The following PXMP4 variants were observed in gnomAD, a reference collection of about 807,000 sequenced individuals.
The protein encoded by PXMP4 is 24 kDa peroxisomal intrinsic membrane protein.
A neutral mutation model predicts 21.6 loss-of-function variants in PXMP4; 16 were observed. The ratio of observed to expected loss-of-function variants is 0.74; its 90% CI spans 0.50 to 1.13. The LOEUF (loss-of-function observed/expected upper bound fraction) is 1.13. Among genes scored for constraint, PXMP4 ranks in the 50% most tolerant of loss-of-function variants. The pLI is 0.00. For missense variants in PXMP4, 240 were observed against 277.7 expected, an observed-to-expected ratio of 0.86 and a Z score of 0.96; for synonymous variants, 127 against 123.8, an observed-to-expected ratio of 1.03 and a Z score of -0.17.
chr20:33,714,585 G>A (rs2018364576), intron 2 of PXMP4, 89 bp downstream of exon 2: 2 of 1,281,292 alleles, frequency 1.6e-6, no homozygotes, highest in African/African-American at 1.5e-5. Context: ...GCGTGATGGG[G>A]GGACAGGGTA....
chr20:33,710,357 C>T (rs768588470), intron 3 of PXMP4, among the ~76,000 whole-genome samples, 198 bp downstream of exon 3: 18 of 150,104 alleles, frequency 1.2e-4, no homozygotes, highest in Non-Finnish European at 2.2e-4. Context: ...CCACTCCTAC[C>T]TCTATACTGA....
intron 3 of PXMP4, among the ~76,000 whole-genome samples, chr20:33,709,033 T>G (rs561578992): frequency 2.0e-5 from 3 of 152,186 alleles, no homozygotes; most frequent in Non-Finnish European, 2.9e-5. Context: ...CCAGGTGTGG[T>G]GGCTCACGCT....
In PXMP4 at chr20:33,703,037, T is replaced by G. The variant is rs2018221129; in HGVS notation, c.*4669A>C. ...GACCACACTGCCTTCCTCCCTGGAG[T>G]GTGCAGTTGGAAGCACCAGATGCTC... On this transcript the variant is annotated 3_prime_UTR_variant, in exon 4 of 4. Transcript: ENST00000409299. 6.6e-6 allele frequency: 1 copy of G among 152,112 alleles called. No homozygotes were observed. Among genetic ancestry groups the G allele is most frequent in the East Asian group, 1.9e-4 (1 of 5,184 alleles). The allele number at this position is 152,112 out of a possible 1,614,324, so 9.4% of individuals were successfully genotyped here.
chr20:33,713,869 G>A (rs946869345), intron 2 of PXMP4, among the ~76,000 whole-genome samples: 1 of 152,204 alleles, frequency 6.6e-6, no homozygotes, highest in Non-Finnish European at 1.5e-5. Flanking sequence ...TCTGAGAAGT[G>A]CCTTGAGGGA....
rs546128436 is a variant in PXMP4, at chr20:33,706,931, C to T, written c.*775G>A. The T allele has an allele frequency of 6.6e-6, 1 of 152,046 alleles. No individual in the cohort carries two copies. Among genetic ancestry groups the T allele is most frequent in the South Asian group, 2.1e-4 (1 of 4,812 alleles). 9.4% of individuals were successfully genotyped at this position (152,046 alleles called of 1,614,324 possible). A position where few individuals can be genotyped will look rare whatever the true frequency, so the allele number is the denominator to read the frequency against. On this transcript the variant is annotated 3_prime_UTR_variant, in exon 4 of 4. Transcript: ENST00000409299. ...TTTTCTTTGGTGAGACAGGGTCTCACTGTCGCCCAGGCTGGAGTGCAGTGG... is the reference window on the plus strand; with the variant it reads ...TTTTCTTTGGTGAGACAGGGTCTCATTGTCGCCCAGGCTGGAGTGCAGTGG...
intron 1 of PXMP4, among the ~76,000 whole-genome samples, chr20:33,718,443 G>A (rs186881968): frequency 9.1e-5 from 13 of 142,458 alleles, no homozygotes; most frequent in Admixed American, 3.8e-4. Context: ...CCTGGGAGAC[G>A]GAGCTTGCAG....
rs1397620808 is a variant in PXMP4 at position 33,704,170 on chromosome 20, AT to A, written c.*3535del. On this transcript the variant is annotated 3_prime_UTR_variant, in exon 4 of 4. Coordinates refer to ENST00000409299, the MANE Select transcript of PXMP4 (RefSeq NM_007238.5). ...TTACCTTGTAATATATAATGAAATA[AT>A]TGTACAACACACCATAATGTAGAAT... 6.5e-6 allele frequency: 1 copy of A among 153,328 alleles called. No individual in the cohort carries two copies. The highest frequency in any genetic ancestry group is 1.5e-5 in the Non-Finnish European group (1 of 68,936). 9.5% of individuals were successfully genotyped at this position (153,328 alleles called of 1,614,324 possible). A position where few individuals can be genotyped will look rare whatever the true frequency, so the allele number is the denominator to read the frequency against.
intron 1 of PXMP4, among the ~76,000 whole-genome samples, chr20:33,716,380 T>C (rs1163112740): frequency 6.6e-6 from 1 of 152,192 alleles, no homozygotes; most frequent in African/African-American, 2.4e-5. Context: ...TCTCTGCTCC[T>C]GGCTTTGGCC....
rs924203631 is a variant in PXMP4, at chr20:33,720,282, A to G, written c.-75T>C. 3.7e-6 allele frequency: 5 copies of G among 1,353,154 alleles called. No homozygotes were observed. In the African/African-American group the frequency reaches 5.8e-5, roughly 16 times the overall value. 83.8% of individuals were successfully genotyped at this position (1,353,154 alleles called of 1,614,324 possible). ...AGCCGGAGGTTCCAGCTGCGCGCCC[A>G]CAGCCCCTCGGTAGCGCCGCCGACT... On this transcript the variant is annotated 5_prime_UTR_variant, in exon 1 of 4. Coordinates refer to ENST00000409299, the MANE Select transcript of PXMP4 (RefSeq NM_007238.5).
chr20:33,718,765 A>G (rs2018413667), intron 1 of PXMP4, among the ~76,000 whole-genome samples: 1 of 152,182 alleles, frequency 6.6e-6, no homozygotes, highest in South Asian at 2.1e-4. Flanking sequence ...TCATCTGGAA[A>G]ATGGGGACAA....
intron 1 of PXMP4, 21 bp downstream of exon 1, chr20:33,720,074 C>A: frequency 6.2e-7 from 1 of 1,609,788 alleles, no homozygotes; most frequent in Non-Finnish European, 8.5e-7. Flanking sequence ...AGCCCCAGCC[C>A]GGCCCGACGG....
chr20:33,711,865 C>T (rs972326000), intron 2 of PXMP4, among the ~76,000 whole-genome samples: 2 of 151,690 alleles, frequency 1.3e-5, no homozygotes, highest in Admixed American at 1.3e-4. Flanking sequence ...TGGTGGCACA[C>T]GCGTGTAGTT....
intron 3 of PXMP4, 29 bp downstream of exon 3, chr20:33,710,526 C>A: frequency 6.8e-7 from 1 of 1,462,244 alleles, no homozygotes; most frequent in Non-Finnish European, 9.2e-7. Context: ...ACGCCCCCTT[C>A]ACTACCCCCA....
chr20:33,719,835 T>C (rs1435890474), intron 1 of PXMP4, among the ~76,000 whole-genome samples: 1 of 151,890 alleles, frequency 6.6e-6, no homozygotes, highest in Non-Finnish European at 1.5e-5. Context: ...GAAGCTGGCA[T>C]GGGAGGAGTC....
intron 2 of PXMP4, among the ~76,000 whole-genome samples, chr20:33,711,386 C>T (rs905066483): frequency 2.6e-5 from 4 of 152,078 alleles, no homozygotes; most frequent in East Asian, 1.9e-4. Context: ...GGGCTCAGCA[C>T]GTGCCACGCC....
chr20:33,715,074 C>T (rs1278669029), intron 1 of PXMP4, among the ~76,000 whole-genome samples: 1 of 152,116 alleles, frequency 6.6e-6, no homozygotes, highest in East Asian at 1.9e-4. Flanking sequence ...CAGCGATCCT[C>T]CAGCCTCACC....
intron 2 of PXMP4, among the ~76,000 whole-genome samples, chr20:33,712,081 T>C (rs2018333384): frequency 6.6e-6 from 1 of 152,062 alleles, no homozygotes; most frequent in Admixed American, 6.6e-5. Context: ...TCAGGTGCTC[T>C]TAAGGCTAGA....
Position 33,707,573 on chromosome 20 carries a change from T to C in PXMP4, c.*133A>G, listed in dbSNP as rs1385080093. 7.6e-7 allele frequency: 1 copy of C among 1,308,258 alleles called. No individual in the cohort carries two copies. The highest frequency in any genetic ancestry group is 1.0e-6 in the Non-Finnish European group (1 of 958,440). 81.0% of individuals were successfully genotyped at this position (1,308,258 alleles called of 1,614,324 possible). ...CACTGGGATTTTAAAATCAGTGTTT[T>C]TACTTCAGCAAACGGAACCCTGGGA... On this transcript the variant is annotated 3_prime_UTR_variant, in exon 4 of 4. Transcript: ENST00000409299.
In PXMP4 at chr20:33,705,611, A is replaced by AC. The variant is rs1449363195; in HGVS notation, c.*2094_*2095insG. 1 of 152,088 alleles carries AC rather than the reference A, an allele frequency of 6.6e-6. No homozygotes were observed. The highest frequency in any genetic ancestry group is 1.5e-5 in the Non-Finnish European group (1 of 68,220). 9.4% of individuals were successfully genotyped at this position (152,088 alleles called of 1,614,324 possible). A position where few individuals can be genotyped will look rare whatever the true frequency, so the allele number is the denominator to read the frequency against. ...GAGAGCAAGACTCTGTCTCAAAAAA[A>AC]AAAAAAAAAGAAAAAATCAGACTGG... On this transcript the variant is annotated 3_prime_UTR_variant, in exon 4 of 4. Transcript: ENST00000409299.
Sources: allele counts gnomAD v4.1 joint callset (sites outside exome capture counted in the v4.1 genomes callset), GRCh38; gene constraint gnomAD v4.1.1; transcripts MANE v1.5; gene names NCBI Gene and HGNC (gene_info 2026-07-23, HGNC 2026-07-21).